Variants in PCNX4 observed in about 807,000 individuals in gnomAD.
PCNX4 encodes pecanex-like protein 4.
In PCNX4, 103 loss-of-function variants were observed where a neutral mutation model predicts 107.2. That is an observed-to-expected ratio of 0.96 (90% CI 0.82 to 1.13). The LOEUF (loss-of-function observed/expected upper bound fraction) is 1.13, where lower values mean the gene tolerates loss of function less well. Among genes scored for constraint, PCNX4 ranks in the 50% most tolerant of loss-of-function variants. The probability of loss-of-function intolerance (pLI) is 0.00; values close to 1 mark genes in which losing one functional copy is unlikely to be tolerated. For synonymous variants in PCNX4, 541 were observed against 481.7 expected, an observed-to-expected ratio of 1.12 and a Z score of -1.61; for missense variants, 1,528 against 1,379.4, an observed-to-expected ratio of 1.11 and a Z score of -1.71.
In PCNX4 at chr14:60,108,022, AT is replaced by A; in HGVS notation, c.387del (p.Leu130SerfsTer8). 4 of 1,612,842 alleles carry A rather than the reference AT, an allele frequency of 2.5e-6. No individual in the cohort carries two copies. Among genetic ancestry groups the A allele is most frequent in the Non-Finnish European group, 3.4e-6 (4 of 1,179,868 alleles). ...TSCTGAETVK[F>X]LIPGKKYVAN... is the part of the protein sequence containing the mutation. ...GTTGTACTGGTGCTGAGACTGTCAA[AT>A]TTCTCATTCCTGGCAAGAAATATGT... On this transcript the variant is annotated frameshift_variant, in exon 2 of 11. Transcript: ENST00000406854. LOFTEE classifies it high-confidence loss of function.
rs1895834737 is a variant in PCNX4, at chr14:60,115,766, C to T, written c.1405C>T (p.Gln469Ter). The T allele has an allele frequency of 1.9e-6, 3 of 1,613,320 alleles. No individual in the cohort carries two copies. Among genetic ancestry groups the T allele is most frequent in the Admixed American group, 3.3e-5 (2 of 59,988 alleles). ...ATTTCTTTCATTGGACAGTTCCTTA[C>T]AAGGGCTCCACTCAGTGTCTGTCTG... ...IAFLSLDSSL[Q>*]GLHSVSVCIG... Residue 469 changes from glutamine to a stop codon, truncating the protein, a stop_gained, in exon 5 of 11, where the codon CAA becomes TAA. Transcript: ENST00000406854. LOFTEE classifies it high-confidence loss of function.
At chr14:60,121,473 A>G (rs935325436) in intron 8 of PCNX4, among the ~76,000 whole-genome samples, 174 bp downstream of exon 8, 2 of 152,156 alleles carry the variant, frequency 1.3e-5, no homozygotes, top group African/African-American at 2.4e-5. Flanking sequence ...TAGGTGGACT[A>G]ATGTTAATTG....
chr14:60,118,422 C>G lies in PCNX4; in HGVS notation c.1672C>G (p.Arg558Gly), dbSNP rs940698015. The G allele has an allele frequency of 6.2e-7, 1 of 1,613,284 alleles. No individual in the cohort carries two copies. The highest frequency in any genetic ancestry group is 1.3e-5 in the African/African-American group (1 of 74,924). Residue 558 changes from arginine to glycine, a missense_variant, in exon 7 of 11, where the codon CGT becomes GGT. Physicochemically the swap from Arg to Gly is moderately radical, Grantham distance 125 (BLOSUM62 -2). Transcript: ENST00000406854. ...GACATCATGGACAGAGAAAAAACAA[C>G]GTCGAAAAACAACTGCCACTTTATG... Reference protein sequence around the residue: ...LLTSWTEKKQRRKTTATLCIL... With the variant: ...LLTSWTEKKQGRKTTATLCIL...
Position 60,125,645 on chromosome 14 carries a change from T to C in PCNX4, c.3089T>C (p.Leu1030Pro). ...TTCTCCATTTTTTTTAGGTATACTC[T>C]GAAACTAATGATTGATAAAGCAAGT... ...QLALKAFRYT[L>P]KLMIDKASLG... Residue 1030 changes from leucine (L) to proline (P), a missense_variant, in exon 10 of 11, where the codon CTG becomes CCG. Coordinates refer to ENST00000406854, the MANE Select transcript of PCNX4 (RefSeq NM_001330177.2). 6.6e-7 allele frequency: 1 copy of C among 1,520,276 alleles called. No homozygotes were observed. The highest frequency in any genetic ancestry group is 8.8e-7 in the Non-Finnish European group (1 of 1,135,850). 94.2% of individuals were successfully genotyped at this position (1,520,276 alleles called of 1,614,324 possible).
chr14:60,114,788 A>T lies in PCNX4; in HGVS notation c.778A>T (p.Thr260Ser). Residue 260 changes from threonine (T) to serine (S), a missense_variant, in exon 3 of 11, where the codon ACT (threonine) becomes TCT (serine). By Grantham distance (58) the Thr-to-Ser change is moderately conservative. Transcript: ENST00000406854. ...VFLPFLWALG[T>S]LPPPDALLLW... ...TTTACCCTTTCTGTGGGCACTTGGG[A>T]CTCTGCCCCCACCCGATGCACTTCT... The T allele has an allele frequency of 1.9e-6, 3 of 1,613,328 alleles. No individual in the cohort carries two copies. Among genetic ancestry groups the T allele is most frequent in the Non-Finnish European group, 2.5e-6 (3 of 1,179,744 alleles).
chr14:60,112,996 A>G (rs1424462784), intron 2 of PCNX4, among the ~76,000 whole-genome samples: 1 of 152,208 alleles, frequency 6.6e-6, no homozygotes, highest in African/African-American at 2.4e-5. Context: ...ATCCTGGCCA[A>G]CATGGTGAAA....
chr14:60,122,740 A>G (rs944455996), intron 8 of PCNX4, among the ~76,000 whole-genome samples: 1 of 152,192 alleles, frequency 6.6e-6, no homozygotes, highest in Non-Finnish European at 1.5e-5. Context: ...ATTCAGGAAT[A>G]CATCCTAAGC....
At position 60,124,922 on chromosome 14, in the gene PCNX4, G is replaced by T. The variant is rs1371829326; in HGVS notation, c.2751G>T (p.Arg917Ser). 6.2e-7 allele frequency: 1 copy of T among 1,613,856 alleles called. No homozygotes were observed. The highest frequency in any genetic ancestry group is 1.3e-5 in the African/African-American group (1 of 75,046). ...SHLVCLPAEW[R>S]TSCMPSSKMK... ...TAGTATGCTTACCCGCAGAGTGGAG[G>T]ACTAGCTGTATGCCCAGTTCCAAAA... The change falls in exon 9 of 11, where the codon AGG (arginine) becomes AGT (serine). Residue 917 changes from arginine to serine, a missense_variant. By Grantham distance (110) the Arg-to-Ser change is moderately radical. Transcript: ENST00000406854.
At chr14:60,126,413 C>A (rs1384064337) in intron 10 of PCNX4, among the ~76,000 whole-genome samples, 1 of 152,170 alleles carries the variant, frequency 6.6e-6, no homozygotes, top group Non-Finnish European at 1.5e-5. Flanking sequence ...CAAATGCACT[C>A]CCTAGTGAAA....
intron 1 of PCNX4, among the ~76,000 whole-genome samples, chr14:60,096,251 TGCC>T (rs1895422758): frequency 6.6e-6 from 1 of 152,234 alleles, no homozygotes; most frequent in Admixed American, 6.5e-5. Flanking sequence ...TCCCTTGTGC[TGCC>T]GTGAGTCTAT....
chr14:60,095,610 CT>C (rs1375510322), intron 1 of PCNX4, among the ~76,000 whole-genome samples: 4 of 152,110 alleles, frequency 2.6e-5, no homozygotes, highest in Admixed American at 6.6e-5. Context: ...CATTTCCCTT[CT>C]TTTTTCTGTA....
At chr14:60,119,801 GAA>G (rs1895921343) in intron 7 of PCNX4, among the ~76,000 whole-genome samples, 2 of 152,116 alleles carry the variant, frequency 1.3e-5, no homozygotes, top group Non-Finnish European at 2.9e-5. Context: ...AAAAAGCAAT[GAA>G]ATAATATTTC....
chr14:60,102,842 T>C lies in PCNX4; in HGVS notation c.-53-4744T>C, dbSNP rs563963036. Among the ~76,000 whole-genome samples, 27 of 152,330 alleles carry C rather than the reference T, an allele frequency of 1.8e-4. 1 individual carries two copies. The East Asian group carries it at 5.2e-3, about 29-fold the overall frequency. ...TTAGTTATTGTGAATTTGTTTTCTATGCTAGTAATTCAGTTTGGCATTTAG... is the reference window on the plus strand; with the variant it reads ...TTAGTTATTGTGAATTTGTTTTCTACGCTAGTAATTCAGTTTGGCATTTAG... On this transcript the variant is annotated intron_variant, in intron 1 of 10. Coordinates refer to ENST00000406854, the MANE Select transcript of PCNX4 (RefSeq NM_001330177.2).
At chr14:60,127,739 T>TC (rs1896081779) in intron 10 of PCNX4, among the ~76,000 whole-genome samples, 1 of 152,110 alleles carries the variant, frequency 6.6e-6, no homozygotes, top group Non-Finnish European at 1.5e-5. Flanking sequence ...AATGGGAAAG[T>TC]CTAACCCATA....
chr14:60,118,900 A>G (rs562785979), intron 7 of PCNX4, among the ~76,000 whole-genome samples: 10 of 152,258 alleles, frequency 6.6e-5, no homozygotes, highest in Admixed American at 2.0e-4. Flanking sequence ...AAATAAAAAT[A>G]CTCAGGGAAA....
intron 7 of PCNX4, among the ~76,000 whole-genome samples, chr14:60,120,353 C>A (rs1310489521): frequency 6.6e-6 from 1 of 152,136 alleles, no homozygotes; most frequent in South Asian, 2.1e-4. Flanking sequence ...ACCAATACTC[C>A]AGAATCCCAA....
In PCNX4 at chr14:60,137,050, T is replaced by G. The variant is rs1255304001; in HGVS notation, c.*2829T>G. 1.3e-5 allele frequency: 2 copies of G among 152,226 alleles called. No individual in the cohort carries two copies. Among genetic ancestry groups the G allele is most frequent in the Non-Finnish European group, 2.9e-5 (2 of 68,046 alleles). The allele number at this position is 152,226 out of a possible 1,614,324, so 9.4% of individuals were successfully genotyped here. On this transcript the variant is annotated 3_prime_UTR_variant, in exon 11 of 11. Coordinates refer to ENST00000406854, the MANE Select transcript of PCNX4 (RefSeq NM_001330177.2). ...TAGTGGTGCATTCATACCAACTATT[T>G]CAGAGAACTAGCAATGCCAGGCAAA...
intron 1 of PCNX4, among the ~76,000 whole-genome samples, chr14:60,093,642 T>C (rs1895357981): frequency 1.3e-5 from 2 of 152,240 alleles, no homozygotes; most frequent in Admixed American, 1.3e-4. Context: ...ATTTCTTCTA[T>C]GAATCTTTTG....
At position 60,143,405 on chromosome 14, in the gene PCNX4, G is replaced by T. The variant is rs1215054094; in HGVS notation, c.*9184G>T. ...TATTCCAGTTTTCATCACTGGTCAC[G>T]CAAGAGTCCTCTCTTTATTATATTT... On this transcript the variant is annotated 3_prime_UTR_variant, in exon 11 of 11. Coordinates refer to ENST00000406854, the MANE Select transcript of PCNX4 (RefSeq NM_001330177.2). 6.6e-6 allele frequency: 1 copy of T among 152,054 alleles called. No individual in the cohort carries two copies. Among genetic ancestry groups the T allele is most frequent in the East Asian group, 1.9e-4 (1 of 5,186 alleles). The allele number at this position is 152,054 out of a possible 1,614,324, so 9.4% of individuals were successfully genotyped here. A position where few individuals can be genotyped will look rare whatever the true frequency, so the allele number is the denominator to read the frequency against.
Sources: gnomAD v4.1 joint callset for allele counts (sites outside exome capture counted in the v4.1 genomes callset) on GRCh38, gnomAD v4.1.1 for gene constraint, MANE v1.5 for transcripts, NCBI Gene and HGNC (gene_info 2026-07-23, HGNC 2026-07-21) for gene names.